The following PCDHGB3 variants were observed in gnomAD, a reference collection of about 807,000 sequenced individuals.
PCDHGB3 encodes the protein protocadherin gamma-B3.
Under a neutral mutation model 59.2 loss-of-function variants are expected in PCDHGB3, and 40 were observed. That is an observed-to-expected ratio of 0.68 (90% CI 0.52 to 0.88). The LOEUF is 0.88. Among genes scored for constraint, PCDHGB3 ranks in the 40% least tolerant of loss-of-function variants. The pLI, the probability that PCDHGB3 is intolerant of heterozygous loss-of-function variation, is 0.00. For missense variants in PCDHGB3, 1,309 were observed against 1,187.9 expected, an observed-to-expected ratio of 1.10 and a Z score of -1.50; for synonymous variants, 581 against 503.6, an observed-to-expected ratio of 1.15 and a Z score of -2.06.
Position 141,490,888 on chromosome 5 carries a change from C to G in PCDHGB3, c.2416-3919C>G. The G allele has an allele frequency of 1.2e-6, 2 of 1,613,358 alleles. No individual in the cohort carries two copies. The highest frequency in any genetic ancestry group is 1.7e-6 in the Non-Finnish European group (2 of 1,179,390). On this transcript the variant is annotated intron_variant, in intron 1 of 3. Transcript: ENST00000576222. This position sits in a 1 kb window ranked among gnomAD's most constrained non-coding sequence, Gnocchi z 5.4. Reference sequence around the variant, plus strand: ...TCCCCCATTGCATGCCAACACATCTCTGCATGTGTTTGTCCTAGACGAGAA... The same window carrying G: ...TCCCCCATTGCATGCCAACACATCTGTGCATGTGTTTGTCCTAGACGAGAA...
chr5:141,392,360 CAATCTGATCATTCTGATCT>C (rs1372415416), intron 1 of PCDHGB3: 2 of 152,712 alleles, frequency 1.3e-5, no homozygotes, highest in Non-Finnish European at 2.9e-5. Context: ...TCCGATGCTA[CAATCTGATCATTCTGATCT>C]AATCTGATCA....
rs942270362 is a variant in PCDHGB3 at position 141,394,773 on chromosome 5, C to T, written c.2415+21964C>T. On this transcript the variant is annotated intron_variant, in intron 1 of 3. Coordinates refer to ENST00000576222, the MANE Select transcript of PCDHGB3 (RefSeq NM_018924.5). ...CGTCCAGGACCATGGCCAGCCCCCT[C>T]TCTCCGCCACTGTCACGCTCACCGT... 4.3e-5 allele frequency: 70 copies of T among 1,613,400 alleles called. No homozygotes were observed. The highest frequency in any genetic ancestry group is 5.6e-5 in the Non-Finnish European group (66 of 1,179,978).
At position 141,371,092 on chromosome 5, in the gene PCDHGB3, C is replaced by A; in HGVS notation, c.698C>A (p.Ala233Glu). 1 of 1,613,802 alleles carries A rather than the reference C, an allele frequency of 6.2e-7. No individual in the cohort carries two copies. The highest frequency in any genetic ancestry group is 8.5e-7 in the Non-Finnish European group (1 of 1,179,728). The change falls in exon 1 of 4, where the codon GCA becomes GAA. Residue 233 changes from alanine (A) to glutamate (E), a missense_variant. Ala to Glu is a moderately radical substitution (Grantham distance 107). Transcript: ENST00000576222. ...SCTTQIRVIV[A>E]DANDNPPVFT... ...ACCACCCAGATCAGGGTAATTGTCG[C>A]AGATGCAAATGATAACCCCCCAGTA... is the stretch of plus-strand genomic sequence containing the variant.
intron 1 of PCDHGB3, chr5:141,410,258 G>T: frequency 6.2e-7 from 1 of 1,614,022 alleles, no homozygotes; most frequent in Non-Finnish European, 8.5e-7. Flanking sequence ...TGACCCCCAG[G>T]CTGAACTGCA....
intron 2 of PCDHGB3, among the ~76,000 whole-genome samples, chr5:141,503,203 A>G (rs10477147): frequency 0.037 from 5,590 of 152,130 alleles, 132 homozygotes; most frequent in South Asian, 0.073. Flanking sequence ...TCAGCCTCTC[A>G]GTGCCCACCA....
rs70988802 is a variant in PCDHGB3 at position 141,450,006 on chromosome 5, C to CTA, written c.2416-44800_2416-44799insAT. ...CACATTGCATTTAGTTGCCATGTCT[C>CTA]TTTTTTTTTTTTTTTTTTGAGACAG... On this transcript the variant is annotated intron_variant, in intron 1 of 3. Coordinates refer to ENST00000576222, the MANE Select transcript of PCDHGB3 (RefSeq NM_018924.5). Among the ~76,000 whole-genome samples the CTA allele has an allele frequency of 6.0e-5, 8 of 132,986 alleles. 1 individual carries two copies. The highest frequency in any genetic ancestry group is 9.5e-5 in the Non-Finnish European group (6 of 62,926). The allele number at this position is 132,986 out of a possible 152,430, so 87.2% of individuals were successfully genotyped here. A position where few individuals can be genotyped will look rare whatever the true frequency, so the allele number is the denominator to read the frequency against.
intron 1 of PCDHGB3, 125 bp downstream of exon 1, chr5:141,372,934 G>A (rs1469163224): frequency 3.5e-6 from 3 of 866,562 alleles, no homozygotes; most frequent in Non-Finnish European, 5.1e-6. Flanking sequence ...CTGGTGTAGA[G>A]TAGGGTGTCT....
At position 141,476,402 on chromosome 5, in the gene PCDHGB3, G is replaced by A. The variant is rs775511298; in HGVS notation, c.2416-18405G>A. The stretch of plus-strand genomic sequence containing the variant: ...TGTGAACGACCGTCTGGATCGAGAG[G>A]AGCTGTGTGGGACACTGCCCTCTTG... On this transcript the variant is annotated intron_variant, in intron 1 of 3. Coordinates refer to ENST00000576222, the MANE Select transcript of PCDHGB3 (RefSeq NM_018924.5). This position sits in a 1 kb window ranked among gnomAD's most constrained non-coding sequence, Gnocchi z 7.6. 9 of 1,613,992 alleles carry A rather than the reference G, an allele frequency of 5.6e-6. No individual in the cohort carries two copies. Among genetic ancestry groups the A allele is most frequent in the African/African-American group, 1.3e-5 (1 of 74,904 alleles).
intron 1 of PCDHGB3, chr5:141,376,446 GC>G (rs1772699263): frequency 6.2e-7 from 1 of 1,614,074 alleles, no homozygotes. Flanking sequence ...TATGAGAAAA[GC>G]GAGCCTCTTC....
Position 141,390,222 on chromosome 5 carries a change from G to A in PCDHGB3, c.2415+17413G>A, listed in dbSNP as rs758225583. The A allele has an allele frequency of 1.1e-5, 18 of 1,613,904 alleles. 1 individual carries two copies. In the Middle Eastern group the frequency reaches 9.9e-4, roughly 88 times the overall value. ...GAGTTCAGGACAAGACATACTTTGC[G>A]GTGATTCATCTGGGGCCTTATTTCC... On this transcript the variant is annotated intron_variant, in intron 1 of 3. Transcript: ENST00000576222.
intron 1 of PCDHGB3, among the ~76,000 whole-genome samples, chr5:141,483,599 G>A (rs1419379218): frequency 6.6e-6 from 1 of 152,048 alleles, no homozygotes; most frequent in African/African-American, 2.4e-5. Flanking sequence ...GGTCAGGCTG[G>A]TTTACACCTC....
At position 141,477,118 on chromosome 5, in the gene PCDHGB3, A is replaced by T. The variant is rs2099405787; in HGVS notation, c.2416-17689A>T. The T allele has an allele frequency of 6.2e-7, 1 of 1,614,228 alleles. No homozygotes were observed. Among genetic ancestry groups the T allele is most frequent in the Non-Finnish European group, 8.5e-7 (1 of 1,180,034 alleles). On this transcript the variant is annotated intron_variant, in intron 1 of 3. Coordinates refer to ENST00000576222, the MANE Select transcript of PCDHGB3 (RefSeq NM_018924.5). This position sits in a 1 kb window ranked among gnomAD's most constrained non-coding sequence, Gnocchi z 4.9. ...ACAAGGGCGCCAATCCCGAAGGAGC[A>T]CATTGCAAAGTGTTGGTGGAGGTTG...
At chr5:141,478,163 C>T (rs779617960) in intron 1 of PCDHGB3, 1 of 1,614,028 alleles carries the variant, frequency 6.2e-7, no homozygotes, top group Non-Finnish European at 8.5e-7. Context: ...TGGCTCTGCC[C>T]CCCGGGAGCA....
chr5:141,485,607 C>T lies in PCDHGB3; in HGVS notation c.2416-9200C>T. On this transcript the variant is annotated intron_variant, in intron 1 of 3. Coordinates refer to ENST00000576222, the MANE Select transcript of PCDHGB3 (RefSeq NM_018924.5). The surrounding 1 kb of genome is among the most constrained non-coding windows in gnomAD (Gnocchi z 5.7). ...CAGCTGGACTTGGAAATTGGGGAGG[C>T]AGCTCCTCCAGGACAGCGTTTCCCG... is the stretch of plus-strand genomic sequence containing the variant. 1 of 1,612,008 alleles carries T rather than the reference C, an allele frequency of 6.2e-7. No individual in the cohort carries two copies. The highest frequency in any genetic ancestry group is 8.5e-7 in the Non-Finnish European group (1 of 1,178,534).
intron 1 of PCDHGB3, chr5:141,389,837 AC>A (rs2091936174): frequency 6.2e-7 from 1 of 1,613,842 alleles, no homozygotes. Flanking sequence ...GACAGCCACC[AC>A]TCTCGGCCAC....
chr5:141,375,730 C>G (rs763067110), intron 1 of PCDHGB3: 3 of 1,614,266 alleles, frequency 1.9e-6, no homozygotes, highest in Non-Finnish European at 2.5e-6. Context: ...TGTCACTGAG[C>G]CTGTTTGTGC....
At position 141,388,927 on chromosome 5, in the gene PCDHGB3, A is replaced by G. The variant is rs772950330; in HGVS notation, c.2415+16118A>G. 7 of 1,614,064 alleles carry G rather than the reference A, an allele frequency of 4.3e-6. No individual in the cohort carries two copies. Among genetic ancestry groups the G allele is most frequent in the Non-Finnish European group, 5.1e-6 (6 of 1,179,890 alleles). Reference sequence around the variant, plus strand: ...GACAACGCCCCAGAAGTGATATTCCAGTCTCTACCCAACCTAATTATGGAG... The same window carrying G: ...GACAACGCCCCAGAAGTGATATTCCGGTCTCTACCCAACCTAATTATGGAG... On this transcript the variant is annotated intron_variant, in intron 1 of 3. Coordinates refer to ENST00000576222, the MANE Select transcript of PCDHGB3 (RefSeq NM_018924.5).
Position 141,413,494 on chromosome 5 carries a change from G to T in PCDHGB3, c.2415+40685G>T, listed in dbSNP as rs778441176. On this transcript the variant is annotated intron_variant, in intron 1 of 3. Transcript: ENST00000576222. ...GCTCTGCGCTCAGAGCGCGCGGTGCGTGGTGAGTTTTAATATCCTTGTGGA... is the reference window on the plus strand; with the variant it reads ...GCTCTGCGCTCAGAGCGCGCGGTGCTTGGTGAGTTTTAATATCCTTGTGGA... The T allele has an allele frequency of 5.0e-6, 8 of 1,614,042 alleles. No individual in the cohort carries two copies. The East Asian group carries it at 1.3e-4, about 27-fold the overall frequency.
At chr5:141,394,021 GA>G (rs2092902279) in intron 1 of PCDHGB3, 1 of 1,613,362 alleles carries the variant, frequency 6.2e-7, no homozygotes, top group Non-Finnish European at 8.5e-7. Context: ...AATTATTATA[GA>G]TTAGTGACAA....
Sources: gnomAD v4.1 joint callset for allele counts (sites outside exome capture counted in the v4.1 genomes callset) on GRCh38, gnomAD v4.1.1 for gene constraint, Gnocchi (gnomAD v3.1) non-coding constraint, MANE v1.5 for transcripts, NCBI Gene and HGNC (gene_info 2026-07-23, HGNC 2026-07-21) for gene names.